PRIMA1: variants seen among roughly 807,000 people sequenced by gnomAD.
The protein encoded by PRIMA1 is proline-rich membrane anchor 1.
Under a neutral mutation model 17.5 loss-of-function variants are expected in PRIMA1, and 7 were observed. That is an observed-to-expected ratio of 0.40 (90% confidence interval 0.23 to 0.75). The LOEUF (loss-of-function observed/expected upper bound fraction) is 0.75, where lower values mean the gene tolerates loss of function less well. Ranked by LOEUF, PRIMA1 falls within the 30% of genes least tolerant of loss-of-function variation. PRIMA1 has a pLI of 0.37. For missense variants in PRIMA1, 200 were observed against 201.8 expected (o/e 0.99, Z 0.05); for synonymous variants, 97 against 77.9 (o/e 1.25, Z -1.29).
chr14:93,742,735 A>G (rs2076191993), intron 3 of PRIMA1, among the ~76,000 whole-genome samples: 1 of 152,212 alleles, frequency 6.6e-6, no homozygotes, highest in Non-Finnish European at 1.5e-5. Context: ...TGTGACTATC[A>G]GAGGAGATGA....
chr14:93,753,375 C>T (rs1172385525), intron 3 of PRIMA1, among the ~76,000 whole-genome samples: 2 of 152,200 alleles, frequency 1.3e-5, no homozygotes, highest in African/African-American at 4.8e-5. Context: ...GACAATGGGC[C>T]TTTGCCACCC....
intron 3 of PRIMA1, among the ~76,000 whole-genome samples, chr14:93,763,663 G>A (rs1434872508): frequency 4.6e-5 from 7 of 152,156 alleles, no homozygotes; most frequent in South Asian, 2.1e-4. Context: ...GGGTGGATGC[G>A]TGCCCCGTCT....
At chr14:93,738,586 T>C (rs1434980288) in intron 3 of PRIMA1, among the ~76,000 whole-genome samples, 1 of 152,172 alleles carries the variant, frequency 6.6e-6, no homozygotes, top group African/African-American at 2.4e-5. Flanking sequence ...ATAGATACTT[T>C]GAGGGGTGCA....
intron 3 of PRIMA1, among the ~76,000 whole-genome samples, chr14:93,742,066 A>G (rs1418186599): frequency 6.6e-6 from 1 of 152,198 alleles, no homozygotes; most frequent in Non-Finnish European, 1.5e-5. Flanking sequence ...TGCATCGTTA[A>G]AAGCTTTGGA....
chr14:93,741,118 C>T (rs1441570480), intron 3 of PRIMA1, among the ~76,000 whole-genome samples: 1 of 152,192 alleles, frequency 6.6e-6, no homozygotes, highest in Non-Finnish European at 1.5e-5. Context: ...ATGAGGGAGG[C>T]ATTTTGTGAA....
intron 2 of PRIMA1, among the ~76,000 whole-genome samples, chr14:93,781,848 GC>G (rs1885384189): frequency 1.3e-5 from 2 of 151,866 alleles, no homozygotes; most frequent in African/African-American, 4.8e-5. Flanking sequence ...GGTGGTGCAC[GC>G]CTGTAGTCCC....
chr14:93,736,606 G>A (rs77582682), intron 4 of PRIMA1, among the ~76,000 whole-genome samples: 9,304 of 152,320 alleles, frequency 0.061, 351 homozygotes, highest in Non-Finnish European at 0.08. Flanking sequence ...CCTGTGCCCC[G>A]TTACCAGGAC....
chr14:93,769,533 G>A (rs10148508), intron 3 of PRIMA1, among the ~76,000 whole-genome samples: 1 of 152,042 alleles, frequency 6.6e-6, no homozygotes, highest in African/African-American at 2.4e-5. Flanking sequence ...GACATGGCCC[G>A]TGTTTGATGC....
chr14:93,736,278 C>A (rs1436082400), intron 4 of PRIMA1, among the ~76,000 whole-genome samples: 1 of 152,194 alleles, frequency 6.6e-6, no homozygotes, highest in East Asian at 1.9e-4. Context: ...CATTGCTCAC[C>A]AGTTGTGCCA....
At chr14:93,737,654 C>T (rs181225276) in intron 3 of PRIMA1, among the ~76,000 whole-genome samples, 48 of 151,924 alleles carry the variant, frequency 3.2e-4, no homozygotes, top group African/African-American at 1.1e-3. Flanking sequence ...AACAGAGGCA[C>T]AGGGAGGCCA....
At chr14:93,762,884 G>A (rs955702347) in intron 3 of PRIMA1, among the ~76,000 whole-genome samples, 2 of 152,054 alleles carry the variant, frequency 1.3e-5, no homozygotes, top group African/African-American at 4.8e-5. Context: ...CTCCACCCCA[G>A]GCCTCAGCCC....
At chr14:93,779,416 G>T (rs746624516) in intron 2 of PRIMA1, 105 bp from the exon 3 acceptor site, 86 of 970,440 alleles carry the variant, frequency 8.9e-5, no homozygotes, top group Non-Finnish European at 1.2e-4. Flanking sequence ...TGGGACTTGG[G>T]ATTCCTTTCC....
intron 3 of PRIMA1, among the ~76,000 whole-genome samples, chr14:93,751,025 T>C (rs2076256092): frequency 6.6e-6 from 1 of 152,188 alleles, no homozygotes; most frequent in Non-Finnish European, 1.5e-5. Context: ...CAAGCCTCAG[T>C]TTCCCATCGT....
intron 3 of PRIMA1, among the ~76,000 whole-genome samples, chr14:93,764,138 C>T (rs979316840): frequency 3.9e-5 from 6 of 151,984 alleles, no homozygotes; most frequent in African/African-American, 1.2e-4. Context: ...GCTGCCGTTC[C>T]CTGCTTGGAG....
chr14:93,760,296 T>A (rs1474495232), intron 3 of PRIMA1, among the ~76,000 whole-genome samples: 1 of 152,178 alleles, frequency 6.6e-6, no homozygotes, highest in Non-Finnish European at 1.5e-5. Flanking sequence ...AACCTTTAGA[T>A]CTTCCAGAAT....
chr14:93,741,361 C>T (rs1159901997), intron 3 of PRIMA1, among the ~76,000 whole-genome samples: 1 of 152,220 alleles, frequency 6.6e-6, no homozygotes, highest in Admixed American at 6.5e-5. Context: ...GGGTCTATCC[C>T]TGCCTGAACT....
chr14:93,734,871 G>T (rs1344005616), intron 4 of PRIMA1, among the ~76,000 whole-genome samples: 2 of 152,172 alleles, frequency 1.3e-5, no homozygotes, highest in African/African-American at 4.8e-5. Flanking sequence ...GAAAGTGGAA[G>T]AGGACAGACA....
chr14:93,720,489 A>G lies in PRIMA1; in HGVS notation c.*955T>C, dbSNP rs1217105287. The G allele has an allele frequency of 6.6e-6, 1 of 152,636 alleles. No individual in the cohort carries two copies. The highest frequency in any genetic ancestry group is 2.4e-5 in the African/African-American group (1 of 41,468). 9.5% of individuals were successfully genotyped at this position (152,636 alleles called of 1,614,324 possible). On this transcript the variant is annotated 3_prime_UTR_variant, in exon 5 of 5. Transcript: ENST00000393140. ...GAGGACTCTGGGAGAGGGCCTGAGT[A>G]CAACAGTCAGGCCTCAGGGGACTGT...
intron 3 of PRIMA1, among the ~76,000 whole-genome samples, chr14:93,752,357 C>T (rs1368238501): frequency 1.3e-5 from 2 of 152,282 alleles, no homozygotes; most frequent in South Asian, 2.1e-4. Context: ...GGGAGACCCC[C>T]CCGCCCCCGG....
Sources: allele counts gnomAD v4.1 joint callset (sites outside exome capture counted in the v4.1 genomes callset), GRCh38; gene constraint gnomAD v4.1.1; transcripts MANE v1.5; gene names NCBI Gene and HGNC (gene_info 2026-07-23, HGNC 2026-07-21).